OR9Q1: variants seen among roughly 807,000 people sequenced by gnomAD.
OR9Q1 encodes the protein olfactory receptor 9Q1.
For missense variants in OR9Q1, 374 were observed against 378.8 expected (o/e 0.99, Z 0.11); for synonymous variants, 153 against 148.6 (o/e 1.03, Z -0.22).
chr11:58,143,151 A>G (rs945620651), intron 2 of OR9Q1, among the ~76,000 whole-genome samples: 8 of 152,192 alleles, frequency 5.3e-5, no homozygotes, highest in Non-Finnish European at 7.3e-5. Context: ...ACCTAAGAGC[A>G]TGTCACTCAT....
rs190405144 is a variant in OR9Q1, at chr11:58,103,829, A to T, written c.-15+47882A>T. ...GGCTTTTATTCTGGGTAAGCACAGT[A>T]GTGTGTTTTAGCAGCTTCTTCAGCT... On this transcript the variant is annotated intron_variant, in intron 2 of 2. Coordinates refer to ENST00000335397, the MANE Select transcript of OR9Q1 (RefSeq NM_001005212.4). Among the ~76,000 whole-genome samples the T allele has an allele frequency of 4.9e-3, 752 of 152,212 alleles. 6 individuals are homozygous for T. Among genetic ancestry groups the T allele is most frequent in the Middle Eastern group, 0.037 (11 of 294 alleles).
In OR9Q1 at chr11:58,101,354, A is replaced by G. The variant is rs191257102; in HGVS notation, c.-15+45407A>G. On this transcript the variant is annotated intron_variant, in intron 2 of 2. Coordinates refer to ENST00000335397, the MANE Select transcript of OR9Q1 (RefSeq NM_001005212.4). ...TCTGGCTCTGGTAAGGTGGTATCTC[A>G]TTGTGGTTTTAATTTGCATTTGTCT... Among the ~76,000 whole-genome samples, 129 of 151,928 alleles carry G rather than the reference A, an allele frequency of 8.5e-4. 1 individual carries two copies. The highest frequency in any genetic ancestry group is 2.9e-3 in the African/African-American group (122 of 41,450).
chr11:58,130,332 G>A (rs1854129664), intron 2 of OR9Q1, among the ~76,000 whole-genome samples: 1 of 152,102 alleles, frequency 6.6e-6, no homozygotes, highest in African/African-American at 2.4e-5. Flanking sequence ...AAAAAATGTA[G>A]TCATGAGATA....
chr11:58,031,217 G>A, intron 1 of OR9Q1: 1 of 1,614,114 alleles, frequency 6.2e-7, no homozygotes, highest in Non-Finnish European at 8.5e-7. Context: ...TGGTTTTATT[G>A]GGGTGGATGG....
intron 2 of OR9Q1, chr11:58,118,187 A>G: frequency 4.8e-6 from 1 of 208,490 alleles, no homozygotes; most frequent in Non-Finnish European, 9.6e-6. Flanking sequence ...GAGTTGAGAG[A>G]GTATTGGGTT....
At chr11:58,151,422 C>T (rs1234556555) in intron 2 of OR9Q1, among the ~76,000 whole-genome samples, 1 of 152,158 alleles carries the variant, frequency 6.6e-6, no homozygotes, top group Non-Finnish European at 1.5e-5. Context: ...GGTGGTGTTG[C>T]ATCATTTGCT....
intron 2 of OR9Q1, among the ~76,000 whole-genome samples, chr11:58,165,603 G>A (rs547853145): frequency 6.6e-6 from 1 of 152,266 alleles, no homozygotes; most frequent in South Asian, 2.1e-4. Context: ...GGCCTTAAAG[G>A]TTTCAATAGG....
At chr11:58,097,102 A>G (rs1254456886) in intron 2 of OR9Q1, among the ~76,000 whole-genome samples, 1 of 152,146 alleles carries the variant, frequency 6.6e-6, no homozygotes, top group Non-Finnish European at 1.5e-5. Flanking sequence ...TTGGCCTTCT[A>G]AAGTGCTGGG....
chr11:58,059,534 A>G (rs1853359378), intron 2 of OR9Q1, among the ~76,000 whole-genome samples: 1 of 151,830 alleles, frequency 6.6e-6, no homozygotes, highest in Non-Finnish European at 1.5e-5. Context: ...TGTCTCTACT[A>G]AAAGTACAAA....
intron 2 of OR9Q1, among the ~76,000 whole-genome samples, chr11:58,085,546 A>G (rs895368909): frequency 6.6e-6 from 1 of 151,688 alleles, no homozygotes; most frequent in African/African-American, 2.4e-5. Context: ...GTTGAGCAAA[A>G]ACTCCTTATT....
intron 1 of OR9Q1, among the ~76,000 whole-genome samples, chr11:58,033,605 G>A (rs1037360925): frequency 1.3e-5 from 2 of 152,162 alleles, no homozygotes; most frequent in South Asian, 4.1e-4. Flanking sequence ...GACCTCAAAA[G>A]GAGGGAGAGA....
intron 2 of OR9Q1, among the ~76,000 whole-genome samples, chr11:58,120,388 TC>T (rs1435828954): frequency 6.6e-6 from 1 of 152,172 alleles, no homozygotes; most frequent in Non-Finnish European, 1.5e-5. Context: ...TATGCTTATG[TC>T]ATAGGGGTCT....
At chr11:58,136,551 A>C (rs189407276) in intron 2 of OR9Q1, among the ~76,000 whole-genome samples, 262 of 152,252 alleles carry the variant, frequency 1.7e-3, no homozygotes, top group African/African-American at 5.7e-3. Context: ...CCTAATCTTA[A>C]TCACTAGGAA....
intron 2 of OR9Q1, among the ~76,000 whole-genome samples, chr11:58,165,609 A>G (rs1326809148): frequency 2.6e-5 from 4 of 152,150 alleles, no homozygotes; most frequent in Non-Finnish European, 4.4e-5. Context: ...AAAGGTTTCA[A>G]TAGGGCAGGA....
At chr11:58,156,567 T>C (rs1854410010) in intron 2 of OR9Q1, among the ~76,000 whole-genome samples, 1 of 152,228 alleles carries the variant, frequency 6.6e-6, no homozygotes, top group South Asian at 2.1e-4. Context: ...AAAAATTACA[T>C]CTTGTATGAC....
At chr11:58,030,662 C>T (rs557572060) in intron 1 of OR9Q1, among the ~76,000 whole-genome samples, 1 of 152,318 alleles carries the variant, frequency 6.6e-6, no homozygotes, top group Non-Finnish European at 1.5e-5. Flanking sequence ...CAGCTATAGA[C>T]AGTCTTCCCT....
intron 2 of OR9Q1, among the ~76,000 whole-genome samples, chr11:58,134,455 G>A (rs546904892): frequency 6.6e-6 from 1 of 152,124 alleles, no homozygotes; most frequent in Non-Finnish European, 1.5e-5. Context: ...TCTAGGATGG[G>A]GCTGATGCTA....
At chr11:58,154,100 G>A (rs1854380864) in intron 2 of OR9Q1, among the ~76,000 whole-genome samples, 1 of 151,366 alleles carries the variant, frequency 6.6e-6, no homozygotes, top group Admixed American at 6.6e-5. Context: ...AGAAGAAGGG[G>A]AGGAGGAAGG....
intron 2 of OR9Q1, among the ~76,000 whole-genome samples, chr11:58,082,781 GTCT>G (rs750706989): frequency 1.3e-4 from 18 of 138,680 alleles, no homozygotes; most frequent in African/African-American, 8.3e-5. Flanking sequence ...AAAAAGTTAG[GTCT>G]TCTTTTTTTA....
Sources: allele counts gnomAD v4.1 joint callset (sites outside exome capture counted in the v4.1 genomes callset), GRCh38; gene constraint gnomAD v4.1.1; transcripts MANE v1.5; gene names NCBI Gene and HGNC (gene_info 2026-07-23, HGNC 2026-07-21).